KCNH5: variants seen among roughly 807,000 people sequenced by gnomAD.
The protein encoded by KCNH5 is voltage-gated delayed rectifier potassium channel KCNH5.
In KCNH5, 46 loss-of-function variants were observed where a neutral mutation model predicts 96.1. The observed-to-expected ratio is 0.48, with a 90% CI of 0.38 to 0.61. The LOEUF (loss-of-function observed/expected upper bound fraction) is 0.61. Among genes scored for constraint, KCNH5 ranks in the 20% least tolerant of loss-of-function variants. KCNH5 has a pLI of 0.00. For synonymous variants in KCNH5, 439 were observed against 449.8 expected (o/e 0.98, Z 0.30); for missense variants, 907 against 1,225.8 (o/e 0.74, Z 3.88).
chr14:62,916,367 G>A (rs1889275304), intron 7 of KCNH5, among the ~76,000 whole-genome samples: 1 of 152,172 alleles, frequency 6.6e-6, no homozygotes, highest in Non-Finnish European at 1.5e-5. Flanking sequence ...TAAAGAGAAG[G>A]ACAATAAATT....
chr14:62,959,273 C>T (rs1890163353), intron 6 of KCNH5, among the ~76,000 whole-genome samples: 1 of 152,064 alleles, frequency 6.6e-6, no homozygotes, highest in Non-Finnish European at 1.5e-5. Flanking sequence ...AACTCCTGGC[C>T]CCACTGGATT....
intron 10 of KCNH5, among the ~76,000 whole-genome samples, chr14:62,761,830 A>G (rs950407201): frequency 1.3e-5 from 2 of 152,126 alleles, no homozygotes; most frequent in African/African-American, 2.4e-5. Context: ...CATCAAGAAG[A>G]CTGGCACACT....
intron 1 of KCNH5, among the ~76,000 whole-genome samples, chr14:63,031,573 T>C (rs967287488): frequency 1.3e-5 from 2 of 152,114 alleles, no homozygotes; most frequent in Non-Finnish European, 1.5e-5. Flanking sequence ...AAATCTCATG[T>C]ACATTAACAA....
intron 7 of KCNH5, among the ~76,000 whole-genome samples, chr14:62,920,302 G>C (rs988560577): frequency 2.0e-5 from 3 of 152,062 alleles, no homozygotes; most frequent in African/African-American, 7.2e-5. Context: ...AGCCCCCAGA[G>C]AAGAGTTTAC....
chr14:62,766,194 T>C (rs1002189245), intron 10 of KCNH5, among the ~76,000 whole-genome samples: 3 of 152,140 alleles, frequency 2.0e-5, no homozygotes, highest in African/African-American at 7.2e-5. Flanking sequence ...GACAAGGATG[T>C]GGAAAAACGG....
intron 10 of KCNH5, among the ~76,000 whole-genome samples, chr14:62,769,094 A>G (rs1459435466): frequency 6.6e-6 from 1 of 152,212 alleles, no homozygotes; most frequent in African/African-American, 2.4e-5. Flanking sequence ...CTTGGAGTTG[A>G]AAAACTGAGG....
At chr14:62,784,972 A>G (rs1481826006) in intron 9 of KCNH5, among the ~76,000 whole-genome samples, 2 of 152,232 alleles carry the variant, frequency 1.3e-5, no homozygotes, top group Non-Finnish European at 2.9e-5. Context: ...AAGCATAGCA[A>G]AATTAACAAA....
At chr14:62,901,494 C>T (rs1321661370) in intron 7 of KCNH5, among the ~76,000 whole-genome samples, 1 of 152,116 alleles carries the variant, frequency 6.6e-6, no homozygotes, top group African/African-American at 2.4e-5. Context: ...TTTTCTGTTC[C>T]TGGGTTAATT....
chr14:62,712,843 G>C (rs1442025349), intron 10 of KCNH5: 2 of 676,276 alleles, frequency 3.0e-6, no homozygotes, highest in East Asian at 5.4e-5. Flanking sequence ...AGAGCCAGTA[G>C]GCTTAAACAC....
chr14:62,777,778 T>C (rs988505828), intron 10 of KCNH5, among the ~76,000 whole-genome samples: 3 of 152,184 alleles, frequency 2.0e-5, no homozygotes, highest in Non-Finnish European at 4.4e-5. Flanking sequence ...TGTCTCTAGC[T>C]TGTCTTCTTA....
chr14:62,983,846 T>C (rs1210476654), intron 5 of KCNH5, among the ~76,000 whole-genome samples: 1 of 152,172 alleles, frequency 6.6e-6, no homozygotes, highest in Admixed American at 6.5e-5. Flanking sequence ...AGGTAAGATA[T>C]CTGTCTTACA....
rs536961926 is a variant in KCNH5, at chr14:62,968,882, C to T, written c.942+11990G>A. 5.9e-5 allele frequency among the ~76,000 whole-genome samples: 9 copies of T among 152,210 alleles called. No individual in the cohort carries two copies. In the South Asian group the frequency reaches 1.7e-3, roughly 28 times the overall value. On this transcript the variant is annotated intron_variant, in intron 6 of 10. Coordinates refer to ENST00000322893, the MANE Select transcript of KCNH5 (RefSeq NM_139318.5). ...ATCTTTGCTGGATTTGAATTATTTA[C>T]CTGAAGTACAATTAAAGGATGCCAA... is the stretch of plus-strand genomic sequence containing the variant.
At chr14:62,825,988 T>C (rs1595641311) in intron 8 of KCNH5, among the ~76,000 whole-genome samples, 1 of 152,156 alleles carries the variant, frequency 6.6e-6, no homozygotes, top group East Asian at 1.9e-4. Context: ...CTTTATATTC[T>C]ATATTATCAG....
chr14:62,927,052 G>A (rs1889489888), intron 7 of KCNH5, among the ~76,000 whole-genome samples: 1 of 152,004 alleles, frequency 6.6e-6, no homozygotes, highest in Non-Finnish European at 1.5e-5. Context: ...AGCTCAACAA[G>A]AAGAAAACAA....
At position 63,016,891 on chromosome 14, in the gene KCNH5, C is replaced by T. The variant is rs756167787; in HGVS notation, c.137G>A (p.Gly46Asp). ...VDWPVVYSND[G>D]FCKLSGYHRA... is the part of the protein sequence containing the mutation. ...ATGATATCCAGAGAGTTTACAAAAA[C>T]CGTCATTACTATAAACTACAGGCCA... The change falls in exon 2 of 11, where the codon GGT (glycine) becomes GAT (aspartate). Residue 46 changes from glycine (G) to aspartate (D), a missense_variant. Physicochemically the swap from Gly to Asp is moderately conservative, Grantham distance 94. This residue lies in a region of KCNH5 where 370 missense variants were observed against 561.3 expected (regional missense o/e 0.66). Transcript: ENST00000322893. 1.2e-6 allele frequency: 2 copies of T among 1,610,820 alleles called. No homozygotes were observed. The highest frequency in any genetic ancestry group is 1.7e-6 in the Non-Finnish European group (2 of 1,178,148).
At chr14:62,870,231 A>G (rs2140065423) in intron 7 of KCNH5, among the ~76,000 whole-genome samples, 1 of 152,324 alleles carries the variant, frequency 6.6e-6, no homozygotes, top group East Asian at 1.9e-4. Context: ...TGACACACAT[A>G]CATGGAAACA....
At chr14:62,983,629 G>T (rs1311843322) in intron 5 of KCNH5, among the ~76,000 whole-genome samples, 2 of 152,068 alleles carry the variant, frequency 1.3e-5, no homozygotes, top group Non-Finnish European at 2.9e-5. Flanking sequence ...ATTAATGCAG[G>T]TCTCCTCTAA....
chr14:62,815,261 T>C, intron 8 of KCNH5, among the ~76,000 whole-genome samples: 1 of 152,156 alleles, frequency 6.6e-6, no homozygotes, highest in Non-Finnish European at 1.5e-5. Flanking sequence ...GGTCAAGGTT[T>C]ACATTACTCT....
At chr14:62,827,961 A>G (rs1887261582) in intron 8 of KCNH5, among the ~76,000 whole-genome samples, 1 of 152,098 alleles carries the variant, frequency 6.6e-6, no homozygotes, top group Non-Finnish European at 1.5e-5. Context: ...TTTTAGTTCC[A>G]TTAATTTTTT....
Sources: gnomAD v4.1 joint callset for allele counts (sites outside exome capture counted in the v4.1 genomes callset) on GRCh38, gnomAD v4.1.1 for gene constraint, gnomAD v4.1.1 regional missense constraint, MANE v1.5 for transcripts, NCBI Gene and HGNC (gene_info 2026-07-23, HGNC 2026-07-21) for gene names.